The following FLNB variants were observed in gnomAD, a reference collection of about 807,000 sequenced individuals.
The protein encoded by FLNB is filamin-B.
A neutral mutation model predicts 250.6 loss-of-function variants in FLNB; 111 were observed. The ratio of observed to expected loss-of-function variants is 0.44; its 90% CI spans 0.38 to 0.52. The LOEUF is 0.52. Among genes scored for constraint, FLNB ranks in the 20% least tolerant of loss-of-function variants. The probability of loss-of-function intolerance (pLI) is 0.00; values close to 1 mark genes in which losing one functional copy is unlikely to be tolerated. For missense variants in FLNB, 2,869 were observed against 3,447.8 expected (o/e 0.83, Z 4.20); for synonymous variants, 1,302 against 1,372.1 (o/e 0.95, Z 1.13).
intron 43 of FLNB, chr3:58,166,218 C>G (rs1468997965): frequency 1.3e-5 from 2 of 152,242 alleles, no homozygotes; most frequent in Admixed American, 1.3e-4. Context: ...CCCCTGCTTT[C>G]TCTTTTCCCA....
intron 12 of FLNB, 136 bp from the exon 13 acceptor site, chr3:58,108,322 C>A (rs893036867): frequency 4.3e-6 from 3 of 697,902 alleles, no homozygotes; most frequent in Non-Finnish European, 7.9e-6. Context: ...TTCCCATAAC[C>A]AACCTCTTAT....
intron 4 of FLNB, among the ~76,000 whole-genome samples, chr3:58,085,703 T>C (rs2097216272): frequency 1.3e-5 from 2 of 152,218 alleles, no homozygotes; most frequent in African/African-American, 4.8e-5. Flanking sequence ...CAGAAATCTT[T>C]GTAAAAATCT....
rs566325199 is a variant in FLNB at position 58,051,378 on chromosome 3, T to A, written c.293-25668T>A. Reference sequence around the variant, plus strand: ...TGCCTTGAGACAAGTGGCCCGCATGTCTGCACTGAAGGAGGCTTTGCGCAA... The same window carrying A: ...TGCCTTGAGACAAGTGGCCCGCATGACTGCACTGAAGGAGGCTTTGCGCAA... On this transcript the variant is annotated intron_variant, in intron 1 of 45. Coordinates refer to ENST00000295956, the MANE Select transcript of FLNB (RefSeq NM_001457.4). Among the ~76,000 whole-genome samples the A allele has an allele frequency of 5.3e-5, 8 of 152,356 alleles. No individual in the cohort carries two copies. The East Asian group carries it at 1.5e-3, about 29-fold the overall frequency.
chr3:58,169,815 A>AAT lies in FLNB; in HGVS notation c.7621+22_7621+23insAT. ...GCTGGTAGGTGTCTGGGCCTTTTCAAGGGTGGGGTGGGGCAGGGGCAGGCT... is the reference window on the plus strand; with the variant it reads ...GCTGGTAGGTGTCTGGGCCTTTTCAAATGGGTGGGGTGGGGCAGGGGCAGGCT... On this transcript the variant is annotated intron_variant, in intron 45 of 45. Coordinates refer to ENST00000295956, the MANE Select transcript of FLNB (RefSeq NM_001457.4). This position sits in a 1 kb window ranked among gnomAD's most constrained non-coding sequence, Gnocchi z 4.8. 13 of 688,108 alleles carry AAT rather than the reference A, an allele frequency of 1.9e-5. No individual in the cohort carries two copies. The highest frequency in any genetic ancestry group is 2.8e-5 in the Non-Finnish European group (11 of 397,576). The allele number at this position is 688,108 out of a possible 1,614,324, so 42.6% of individuals were successfully genotyped here. A position where few individuals can be genotyped will look rare whatever the true frequency, so the allele number is the denominator to read the frequency against.
chr3:58,102,264 C>T lies in FLNB; in HGVS notation c.1407C>T (p.Ile469=). 6.2e-7 allele frequency: 1 copy of T among 1,614,212 alleles called. No individual in the cohort carries two copies. The highest frequency in any genetic ancestry group is 8.5e-7 in the Non-Finnish European group (1 of 1,180,020). The change falls in exon 9 of 46, where the codon ATC becomes ATT. Residue 469 remains isoleucine, a synonymous_variant. Coordinates refer to ENST00000295956, the MANE Select transcript of FLNB (RefSeq NM_001457.4). The part of the protein sequence containing the change: ...GRGLQPKGVR[I]RETTDFKVDT... ...GCCTACAACCCAAAGGCGTCCGTAT[C>T]CGGGAGACCACAGATTTCAAGGTTG...
intron 36 of FLNB, chr3:58,149,084 A>T (rs2097340658): frequency 1.9e-6 from 1 of 538,994 alleles, no homozygotes; most frequent in African/African-American, 1.9e-5. Context: ...CCCCCTCTGC[A>T]CTAGGATCTG....
chr3:58,165,393 A>G (rs1209534109), intron 43 of FLNB: 6 of 152,144 alleles, frequency 3.9e-5, no homozygotes, highest in Non-Finnish European at 7.4e-5. Context: ...CTGTGTAAAT[A>G]TTGCTCTTGT....
intron 24 of FLNB, among the ~76,000 whole-genome samples, chr3:58,129,134 C>T (rs932171719): frequency 1.3e-5 from 2 of 152,076 alleles, no homozygotes; most frequent in South Asian, 2.1e-4. Context: ...GTTAAAAACC[C>T]GGAGTGGAGT....
intron 26 of FLNB, 140 bp from the exon 27 acceptor site, chr3:58,134,476 A>G: frequency 3.1e-6 from 3 of 967,012 alleles, no homozygotes; most frequent in Non-Finnish European, 5.0e-6. Flanking sequence ...TGCTAGACTT[A>G]GGCACCTTGA....
chr3:58,010,108 ATGTG>A (rs371671340), intron 1 of FLNB, among the ~76,000 whole-genome samples: 2 of 114,188 alleles, frequency 1.8e-5, no homozygotes, highest in Non-Finnish European at 3.3e-5. Context: ...GGGTGTGTGT[ATGTG>A]TGTGTGTGTA....
intron 18 of FLNB, among the ~76,000 whole-genome samples, chr3:58,117,780 G>T (rs966619018): frequency 1.3e-5 from 2 of 150,280 alleles, no homozygotes; most frequent in Non-Finnish European, 3.0e-5. Context: ...TCTCTTCATT[G>T]ATGCAACCAG....
intron 1 of FLNB, among the ~76,000 whole-genome samples, chr3:58,043,141 C>CTTTTTT (rs58727890): frequency 8.8e-5 from 9 of 102,004 alleles, no homozygotes; most frequent in Non-Finnish European, 9.2e-5. Flanking sequence ...TTTGGCATTC[C>CTTTTTT]TTTTTTTTTT....
intron 1 of FLNB, among the ~76,000 whole-genome samples, chr3:58,013,005 A>G (rs1034712993): frequency 1.3e-5 from 2 of 152,248 alleles, no homozygotes; most frequent in Non-Finnish European, 2.9e-5. Context: ...CCTAGGCGCC[A>G]TCCAAAAGTT....
chr3:58,148,172 G>A, intron 34 of FLNB, 34 bp from the exon 35 acceptor site: 1 of 1,613,340 alleles, frequency 6.2e-7, no homozygotes, highest in Non-Finnish European at 8.5e-7. Flanking sequence ...GTAACCACAT[G>A]TAACGGGAGT....
In FLNB at chr3:58,126,335, G is replaced by A. The variant is rs9829490; in HGVS notation, c.4062-267G>A. The stretch of plus-strand genomic sequence containing the variant: ...ACATAGGTTGCAGTGAGCCGAGACC[G>A]CGCCACTGCACTCCAGCCTGGGCAA... On this transcript the variant is annotated intron_variant, in intron 23 of 45. Transcript: ENST00000295956. Among the ~76,000 whole-genome samples, 63,257 of 151,954 alleles carry A rather than the reference G, an allele frequency of 0.42. 16,340 individuals are homozygous for A. The highest frequency in any genetic ancestry group is 0.91 in the East Asian group (4,729 of 5,178).
chr3:58,104,132 C>T, intron 10 of FLNB, 47 bp downstream of exon 10: 1 of 1,607,836 alleles, frequency 6.2e-7, no homozygotes, highest in Non-Finnish European at 8.5e-7. Context: ...GTGCTCGGCC[C>T]AGGGCGGACT....
At chr3:58,014,096 G>T (rs2097102512) in intron 1 of FLNB, among the ~76,000 whole-genome samples, 2 of 150,392 alleles carry the variant, frequency 1.3e-5, no homozygotes, top group South Asian at 2.1e-4. Flanking sequence ...CACAGTTTAT[G>T]GTACATAGTA....
chr3:58,061,044 C>A (rs1272310492), intron 1 of FLNB, among the ~76,000 whole-genome samples: 2 of 152,076 alleles, frequency 1.3e-5, no homozygotes, highest in African/African-American at 4.8e-5. Flanking sequence ...ATCAGGCAAA[C>A]CCACAGAGTC....
Position 58,123,357 on chromosome 3 carries a change from T to C in FLNB, c.3391T>C (p.Phe1131Leu). ...SPFKADIEMP[F>L]DPSKVVASGP... Reference sequence around the variant, plus strand: ...CTTCAAAGCTGACATTGAAATGCCCTTTGACCCCTCTAAAGTCGTGGCATC... The same window carrying C: ...CTTCAAAGCTGACATTGAAATGCCCCTTGACCCCTCTAAAGTCGTGGCATC... The change falls in exon 21 of 46, where the codon TTT becomes CTT. Residue 1131 changes from phenylalanine to leucine, a missense_variant. Phe to Leu is a conservative substitution (Grantham distance 22). This residue lies in a region of FLNB where 1,348 missense variants were observed against 1,466.7 expected (regional missense o/e 0.92). Transcript: ENST00000295956. 1 of 1,614,156 alleles carries C rather than the reference T, an allele frequency of 6.2e-7. No individual in the cohort carries two copies. Among genetic ancestry groups the C allele is most frequent in the Non-Finnish European group, 8.5e-7 (1 of 1,180,028 alleles).
Sources: gnomAD v4.1 joint callset for allele counts (sites outside exome capture counted in the v4.1 genomes callset) on GRCh38, gnomAD v4.1.1 for gene constraint, gnomAD v4.1.1 regional missense constraint, Gnocchi (gnomAD v3.1) non-coding constraint, MANE v1.5 for transcripts, NCBI Gene and HGNC (gene_info 2026-07-23, HGNC 2026-07-21) for gene names.